The following C8orf76 variants were observed in gnomAD, a reference collection of about 807,000 sequenced individuals.
C8orf76 encodes the protein chromosome 8 open reading frame 76.
In C8orf76, 46 loss-of-function variants were observed where a neutral mutation model predicts 38.1. The observed-to-expected ratio is 1.21, with a 90% CI of 0.95 to 1.54. The LOEUF (loss-of-function observed/expected upper bound fraction) is 1.54. Among genes scored for constraint, C8orf76 ranks in the 40% most tolerant of loss-of-function variants. C8orf76 has a pLI of 0.00. For synonymous variants in C8orf76, 166 were observed against 167.5 expected, an observed-to-expected ratio of 0.99 and a Z score of 0.07; for missense variants, 461 against 441.6, an observed-to-expected ratio of 1.04 and a Z score of -0.39.
At chr8:123,222,375 T>C (rs1824915611) in intron 5 of C8orf76, among the ~76,000 whole-genome samples, 2 of 152,204 alleles carry the variant, frequency 1.3e-5, no homozygotes, top group Admixed American at 1.3e-4. Flanking sequence ...TTTTAAAATC[T>C]GGGATAAAAC....
At chr8:123,228,601 A>G (rs1825129847) in intron 4 of C8orf76, among the ~76,000 whole-genome samples, 1 of 151,922 alleles carries the variant, frequency 6.6e-6, no homozygotes, top group Admixed American at 6.6e-5. Flanking sequence ...CCTGGGCAAC[A>G]AGAGTGAAAC....
intron 4 of C8orf76, 138 bp downstream of exon 4, chr8:123,231,162 C>G (rs770441233): frequency 3.7e-6 from 4 of 1,076,732 alleles, no homozygotes; most frequent in Non-Finnish European, 5.1e-6. Context: ...GAATGACAAA[C>G]GTTCAACACA....
intron 5 of C8orf76, 73 bp downstream of exon 5, chr8:123,226,427 T>C (rs1563797388): frequency 1.9e-6 from 3 of 1,580,866 alleles, no homozygotes; most frequent in Non-Finnish European, 2.6e-6. Flanking sequence ...CCCTGCTTTA[T>C]AAAAAATGCT....
At chr8:123,231,793 T>G in intron 3 of C8orf76, 36 bp from the exon 4 acceptor site, 1 of 1,521,866 alleles carries the variant, frequency 6.6e-7, no homozygotes, top group Non-Finnish European at 8.7e-7. Flanking sequence ...AAGTTTAAAC[T>G]TCAAAGCATT....
Position 123,231,301 on chromosome 8 carries a change from T to G in C8orf76, c.814A>C (p.Arg272=). The change falls in exon 4 of 6, where the codon AGG becomes CGG. Residue 272 remains arginine, a splice_region_variant and synonymous_variant. Transcript: ENST00000276704. ...TTGCTTAAGTGACTCTCAGCTTACC[T>G]GGTTCGTATAAAAGAGGCACATGCT... ...LKACASFIRT[R]LLLQFTQPQQ... The G allele has an allele frequency of 6.2e-7, 1 of 1,603,316 alleles. No individual in the cohort carries two copies. Among genetic ancestry groups the G allele is most frequent in the Non-Finnish European group, 8.5e-7 (1 of 1,174,872 alleles).
chr8:123,236,617 C>G (rs1312688953), intron 3 of C8orf76, among the ~76,000 whole-genome samples: 1 of 151,962 alleles, frequency 6.6e-6, no homozygotes, highest in South Asian at 2.1e-4. Flanking sequence ...AACCTCGTCT[C>G]TACTAAAAAT....
chr8:123,223,365 T>G (rs547341171), intron 5 of C8orf76, among the ~76,000 whole-genome samples: 8 of 152,310 alleles, frequency 5.3e-5, no homozygotes, highest in Non-Finnish European at 8.8e-5. Context: ...CCCAGCACTT[T>G]GGGAGGCCGA....
intron 3 of C8orf76, among the ~76,000 whole-genome samples, chr8:123,233,804 G>A (rs545610435): frequency 4.0e-5 from 6 of 151,890 alleles, no homozygotes; most frequent in Non-Finnish European, 4.4e-5. Context: ...CAAGGCGGGC[G>A]GATCATGAGT....
At chr8:123,237,405 T>TGG (rs995079228) in intron 3 of C8orf76, among the ~76,000 whole-genome samples, 1 of 151,388 alleles carries the variant, frequency 6.6e-6, no homozygotes, top group African/African-American at 2.4e-5. Context: ...TTAGTCATTT[T>TGG]GGGGGGGGGA....
At chr8:123,233,639 C>T (rs936303234) in intron 3 of C8orf76, among the ~76,000 whole-genome samples, 3 of 152,028 alleles carry the variant, frequency 2.0e-5, no homozygotes, top group Non-Finnish European at 4.4e-5. Flanking sequence ...TCGCCCACCT[C>T]GGCCTCCCAA....
intron 3 of C8orf76, among the ~76,000 whole-genome samples, chr8:123,233,447 T>C (rs901050281): frequency 6.6e-6 from 1 of 151,996 alleles, no homozygotes; most frequent in African/African-American, 2.4e-5. Flanking sequence ...CAGGCTGGAG[T>C]GCAGTGGCGT....
chr8:123,232,174 T>C (rs1825294676), intron 3 of C8orf76, among the ~76,000 whole-genome samples: 1 of 152,242 alleles, frequency 6.6e-6, no homozygotes, highest in Non-Finnish European at 1.5e-5. Flanking sequence ...TTTCTAAAAA[T>C]CCAAATGGTA....
intron 3 of C8orf76, among the ~76,000 whole-genome samples, chr8:123,232,173 A>G (rs1030256236): frequency 6.6e-5 from 10 of 152,360 alleles, no homozygotes; most frequent in African/African-American, 2.4e-4. Flanking sequence ...CTTTCTAAAA[A>G]TCCAAATGGT....
At chr8:123,227,547 G>C (rs771706277) in intron 4 of C8orf76, among the ~76,000 whole-genome samples, 4 of 152,148 alleles carry the variant, frequency 2.6e-5, no homozygotes, top group African/African-American at 7.2e-5. Flanking sequence ...AGGCAGGAAG[G>C]CTTCCTTGAG....
chr8:123,231,575 A>G lies in C8orf76; in HGVS notation c.540T>C (p.Ala180=). 2.5e-6 allele frequency: 4 copies of G among 1,614,230 alleles called. No homozygotes were observed. The highest frequency in any genetic ancestry group is 3.4e-6 in the Non-Finnish European group (4 of 1,180,048). The part of the protein sequence containing the change: ...LAEAYLNLGP[A]LSAALASSQK... ...GAGATGACGCAAGTGCTGCTGAAAGAGCTGGCCCCAGATTCAGGTAAGCCT... is the reference window on the plus strand; with the variant it reads ...GAGATGACGCAAGTGCTGCTGAAAGGGCTGGCCCCAGATTCAGGTAAGCCT... Residue 180 remains alanine, a synonymous_variant, in exon 4 of 6, where the codon GCT becomes GCC. Transcript: ENST00000276704.
chr8:123,238,469 C>G (rs920640452), intron 2 of C8orf76: 2 of 152,980 alleles, frequency 1.3e-5, no homozygotes, highest in African/African-American at 4.8e-5. Context: ...ACTAATACAT[C>G]TAGTCAATCC....
intron 4 of C8orf76, among the ~76,000 whole-genome samples, chr8:123,230,269 A>G (rs1054469492): frequency 1.3e-5 from 2 of 152,192 alleles, no homozygotes; most frequent in African/African-American, 4.8e-5. Flanking sequence ...AACCATGGGA[A>G]TTCTCTGTAG....
At chr8:123,226,258 C>T in intron 5 of C8orf76, 1 of 1,351,538 alleles carries the variant, frequency 7.4e-7, no homozygotes, top group Non-Finnish European at 9.4e-7. Context: ...GATGTTCAGG[C>T]AGGCAGGTGC....
At chr8:123,230,176 T>G (rs1454875497) in intron 4 of C8orf76, among the ~76,000 whole-genome samples, 1 of 152,180 alleles carries the variant, frequency 6.6e-6, no homozygotes, top group African/African-American at 2.4e-5. Context: ...TCATCATTTA[T>G]AGAACTGGTC....
Sources: allele counts gnomAD v4.1 joint callset (sites outside exome capture counted in the v4.1 genomes callset), GRCh38; gene constraint gnomAD v4.1.1; transcripts MANE v1.5; gene names NCBI Gene and HGNC (gene_info 2026-07-23, HGNC 2026-07-21).